Variants in LPP observed in about 807,000 individuals in gnomAD.
LPP encodes LIM domain containing preferred translocation partner in lipoma.
A neutral mutation model predicts 60.4 loss-of-function variants in LPP; 38 were observed. The ratio of observed to expected loss-of-function variants is 0.63; its 90% confidence interval spans 0.49 to 0.83. The LOEUF (loss-of-function observed/expected upper bound fraction) is 0.83, where lower values mean the gene tolerates loss of function less well. Ranked by LOEUF, LPP falls within the 40% of genes least tolerant of loss-of-function variation. LPP has a pLI of 0.00. For missense variants in LPP, 902 were observed against 783.6 expected, an observed-to-expected ratio of 1.15 and a Z score of -1.80; for synonymous variants, 328 against 290.8, an observed-to-expected ratio of 1.13 and a Z score of -1.30.
chr3:188,608,190 C>T (rs980987195), intron 6 of LPP, among the ~76,000 whole-genome samples: 1 of 152,072 alleles, frequency 6.6e-6, no homozygotes, highest in African/African-American at 2.4e-5. Flanking sequence ...TGGAGCAGGC[C>T]CTCCACTTCC....
At chr3:188,338,243 T>C (rs1762182859) in intron 2 of LPP, among the ~76,000 whole-genome samples, 1 of 152,212 alleles carries the variant, frequency 6.6e-6, no homozygotes, top group Non-Finnish European at 1.5e-5. Flanking sequence ...ATGGAATACC[T>C]TGTATTCTTG....
chr3:188,500,296 C>G (rs187091490), intron 5 of LPP, among the ~76,000 whole-genome samples: 1 of 152,024 alleles, frequency 6.6e-6, no homozygotes, highest in Admixed American at 6.5e-5. Context: ...GAATATTTTT[C>G]TTATGAAAGG....
intron 2 of LPP, among the ~76,000 whole-genome samples, chr3:188,282,380 A>G (rs1742410311): frequency 6.6e-6 from 1 of 152,154 alleles, no homozygotes; most frequent in Non-Finnish European, 1.5e-5. Flanking sequence ...AGGCCATGGT[A>G]GCGCAGGAGG....
intron 6 of LPP, among the ~76,000 whole-genome samples, chr3:188,554,593 C>G (rs1376560708): frequency 1.3e-5 from 2 of 152,186 alleles, no homozygotes; most frequent in Non-Finnish European, 2.9e-5. Flanking sequence ...TACTCTCTTT[C>G]TAGTCCAGCA....
chr3:188,590,501 C>A (rs1838447848), intron 6 of LPP, among the ~76,000 whole-genome samples: 2 of 152,036 alleles, frequency 1.3e-5, no homozygotes. Context: ...TTGAACCTGG[C>A]AAGCAGAGGT....
At chr3:188,758,782 G>A (rs1452056776) in intron 8 of LPP, 2 of 152,198 alleles carry the variant, frequency 1.3e-5, no homozygotes, top group Admixed American at 6.5e-5. Flanking sequence ...ATATAGCATA[G>A]TGTTTAAGAG....
At chr3:188,503,409 T>TA (rs918185086) in intron 5 of LPP, among the ~76,000 whole-genome samples, 3 of 152,100 alleles carry the variant, frequency 2.0e-5, no homozygotes, top group East Asian at 1.9e-4. Flanking sequence ...ATTTGTAATT[T>TA]AAAAAAATAT....
In LPP at chr3:188,438,446, A is replaced by G. The variant is rs369242062; in HGVS notation, c.193+32133A>G. On this transcript the variant is annotated intron_variant, in intron 4 of 11. Coordinates refer to ENST00000617246, the MANE Select transcript of LPP (RefSeq NM_001375462.1). The stretch of plus-strand genomic sequence containing the variant: ...ATATTATGAGGTAGTGCTATTATTA[A>G]TATCCATTTTCTGGATGAGGAAACT... Among the ~76,000 whole-genome samples the G allele has an allele frequency of 9.4e-4, 142 of 151,830 alleles. 2 individuals carry two copies. In the South Asian group the frequency reaches 0.028, roughly 30 times the overall value.
chr3:188,498,939 G>GTA (rs888489765), intron 5 of LPP, among the ~76,000 whole-genome samples: 32 of 151,946 alleles, frequency 2.1e-4, no homozygotes, highest in African/African-American at 7.5e-4. Context: ...TTAGCCATTT[G>GTA]TATATATATA....
intron 9 of LPP, among the ~76,000 whole-genome samples, chr3:188,825,849 A>G (rs1205646459): frequency 2.0e-5 from 3 of 152,124 alleles, no homozygotes; most frequent in Non-Finnish European, 2.9e-5. Flanking sequence ...ATCTTGACTG[A>G]GGCACAGAGA....
intron 2 of LPP, among the ~76,000 whole-genome samples, chr3:188,305,551 A>G (rs891369716): frequency 3.9e-4 from 59 of 152,116 alleles, no homozygotes; most frequent in African/African-American, 1.3e-3. Context: ...TTGGTCTTCT[A>G]TTTCAGTTGC....
intron 1 of LPP, among the ~76,000 whole-genome samples, 157 bp from the exon 2 acceptor site, chr3:188,225,247 GA>G (rs1299413980): frequency 6.6e-6 from 1 of 152,150 alleles, no homozygotes; most frequent in Non-Finnish European, 1.5e-5. Context: ...CCATCATTCT[GA>G]GTCAAATTAG....
chr3:188,734,362 A>G (rs943977825), intron 8 of LPP, among the ~76,000 whole-genome samples: 2 of 152,246 alleles, frequency 1.3e-5, no homozygotes, highest in African/African-American at 4.8e-5. Flanking sequence ...TATTAGTGAC[A>G]TGTAAATTCC....
chr3:188,512,275 C>T (rs796492076), intron 5 of LPP, among the ~76,000 whole-genome samples: 3 of 152,068 alleles, frequency 2.0e-5, no homozygotes, highest in Non-Finnish European at 2.9e-5. Flanking sequence ...AGAAAATTCT[C>T]GGCCAGACAT....
At chr3:188,855,365 T>A (rs534212193) in intron 9 of LPP, among the ~76,000 whole-genome samples, 8 of 152,284 alleles carry the variant, frequency 5.3e-5, no homozygotes, top group African/African-American at 1.9e-4. Context: ...AACAAACTAG[T>A]GTAAGATGAA....
intron 2 of LPP, among the ~76,000 whole-genome samples, chr3:188,246,933 T>C (rs778558883): frequency 6.6e-6 from 1 of 152,210 alleles, no homozygotes; most frequent in African/African-American, 2.4e-5. Flanking sequence ...CCTTCTTTTC[T>C]TAGAGATTGG....
intron 2 of LPP, among the ~76,000 whole-genome samples, chr3:188,245,272 C>T (rs1726505902): frequency 6.6e-6 from 1 of 152,278 alleles, no homozygotes; most frequent in African/African-American, 2.4e-5. Context: ...GCCACTACGC[C>T]TGACTAATTT....
At chr3:188,395,259 C>T (rs1404540923) in intron 3 of LPP, among the ~76,000 whole-genome samples, 1 of 152,062 alleles carries the variant, frequency 6.6e-6, no homozygotes, top group Non-Finnish European at 1.5e-5. Context: ...CATTCTATTG[C>T]CCAGGCTGGA....
chr3:188,806,285 A>G (rs1749110929), intron 9 of LPP, among the ~76,000 whole-genome samples: 1 of 151,898 alleles, frequency 6.6e-6, no homozygotes, highest in African/African-American at 2.4e-5. Flanking sequence ...GGATTGTTAT[A>G]TCATCTTAAC....
Sources: allele counts gnomAD v4.1 joint callset (sites outside exome capture counted in the v4.1 genomes callset), GRCh38; gene constraint gnomAD v4.1.1; transcripts MANE v1.5; gene names NCBI Gene and HGNC (gene_info 2026-07-23, HGNC 2026-07-21).